The following LRRIQ1 variants were observed in gnomAD, a reference collection of about 807,000 sequenced individuals.
The protein encoded by LRRIQ1 is leucine-rich repeat- and IQ domain-containing protein 1.
Under a neutral mutation model 211.9 loss-of-function variants are expected in LRRIQ1, and 210 were observed. That is an observed-to-expected ratio of 0.99 (90% CI 0.89 to 1.11). The LOEUF (loss-of-function observed/expected upper bound fraction) is 1.11, where lower values mean the gene tolerates loss of function less well. LRRIQ1 is among the 50% of genes most tolerant of loss of function. The probability of loss-of-function intolerance (pLI) is 0.00; values close to 1 mark genes in which losing one functional copy is unlikely to be tolerated. For missense variants in LRRIQ1, 2,136 were observed against 1,939.5 expected (o/e 1.10, Z -1.90); for synonymous variants, 699 against 650.1 (o/e 1.08, Z -1.14).
chr12:85,197,504 AATG>A lies in LRRIQ1; in HGVS notation c.4823-32008_4823-32006del, dbSNP rs1297011382. 2.2e-4 allele frequency among the ~76,000 whole-genome samples: 33 copies of A among 150,818 alleles called. 1 individual carries two copies. The South Asian group carries it at 6.8e-3, about 31-fold the overall frequency. On this transcript the variant is annotated intron_variant, in intron 24 of 26. Coordinates refer to ENST00000393217, the MANE Select transcript of LRRIQ1 (RefSeq NM_001079910.2). ...CATGGAATACTATGCAGCCATAAAA[AATG>A]ATGAGTTCATGTCATTTGTAGGGAC...
At chr12:85,042,552 A>C (rs1354839013) in intron 3 of LRRIQ1, among the ~76,000 whole-genome samples, 1 of 149,306 alleles carries the variant, frequency 6.7e-6, no homozygotes, top group Non-Finnish European at 1.5e-5. Flanking sequence ...AATTTATTGA[A>C]ATTTAATTTA....
At position 85,056,256 on chromosome 12, in the gene LRRIQ1, C is replaced by T. The variant is rs763944834; in HGVS notation, c.1463C>T (p.Ala488Val). 3.7e-5 allele frequency: 58 copies of T among 1,569,766 alleles called. No homozygotes were observed. The highest frequency in any genetic ancestry group is 5.0e-5 in the Non-Finnish European group (58 of 1,167,754). Residue 488 changes from alanine (A) to valine (V), a missense_variant, in exon 8 of 27, where the codon GCA (alanine) becomes GTA (valine). Physicochemically the swap from Ala to Val is moderately conservative, Grantham distance 64. Coordinates refer to ENST00000393217, the MANE Select transcript of LRRIQ1 (RefSeq NM_001079910.2). ...ATGGAAGAAAAAAATGAAAACCTAG[C>T]AAAAAAACGATGTTCAGAAGAATTG... ...FKMEEKNENLAKKRCSEELVK... is the reference protein window; with the variant it reads ...FKMEEKNENLVKKRCSEELVK...
intron 26 of LRRIQ1, among the ~76,000 whole-genome samples, chr12:85,235,653 A>G (rs1156352864): frequency 6.6e-6 from 1 of 152,176 alleles, no homozygotes; most frequent in East Asian, 1.9e-4. Flanking sequence ...TTTCTCAGTG[A>G]CTATCTCTGA....
At chr12:85,245,503 A>G (rs536183284), downstream of LRRIQ1, among the ~76,000 whole-genome samples, 1 of 133,240 alleles carries the variant, frequency 7.5e-6, no homozygotes, top group Non-Finnish European at 1.5e-5. Flanking sequence ...TAAATATATA[A>G]TACATTTATA....
At chr12:85,097,931 A>T (rs1393611044) in intron 11 of LRRIQ1, among the ~76,000 whole-genome samples, 3 of 152,192 alleles carry the variant, frequency 2.0e-5, no homozygotes, top group African/African-American at 7.2e-5. Context: ...TTGGTTCTGT[A>T]TTCAAATGGT....
intron 24 of LRRIQ1, 51 bp from the exon 25 acceptor site, chr12:85,229,466 A>G (rs762543758): frequency 2.7e-6 from 4 of 1,508,288 alleles, no homozygotes; most frequent in Non-Finnish European, 3.5e-6. Context: ...CTGGTTGGCC[A>G]AAGTTTGGTC....
intron 17 of LRRIQ1, 41 bp downstream of exon 17, chr12:85,124,560 T>C: frequency 6.9e-7 from 1 of 1,458,314 alleles, no homozygotes. Context: ...GATGTATGTT[T>C]ACTCCTTTTG....
chr12:85,048,985 A>G (rs1269279828), intron 6 of LRRIQ1, among the ~76,000 whole-genome samples: 1 of 152,212 alleles, frequency 6.6e-6, no homozygotes, highest in Non-Finnish European at 1.5e-5. Context: ...CTAACAGCAA[A>G]TCCCACCCTC....
chr12:85,116,286 G>GC (rs1193737357), intron 15 of LRRIQ1, among the ~76,000 whole-genome samples: 1 of 151,966 alleles, frequency 6.6e-6, no homozygotes, highest in African/African-American at 2.4e-5. Context: ...GGGACTACAG[G>GC]CGCCCACCAC....
chr12:85,083,423 T>C (rs1396274283), intron 11 of LRRIQ1, among the ~76,000 whole-genome samples: 1 of 147,824 alleles, frequency 6.8e-6, no homozygotes, highest in Non-Finnish European at 1.5e-5. Context: ...AAATGGATTA[T>C]TAATTTTTTT....
At chr12:85,062,487 A>G (rs1881941125) in intron 8 of LRRIQ1, among the ~76,000 whole-genome samples, 1 of 151,418 alleles carries the variant, frequency 6.6e-6, no homozygotes, top group Non-Finnish European at 1.5e-5. Flanking sequence ...GGCTTGGGAT[A>G]GTGGTTTCCA....
chr12:85,235,951 A>G (rs1895154260), intron 26 of LRRIQ1, among the ~76,000 whole-genome samples: 1 of 152,202 alleles, frequency 6.6e-6, no homozygotes, highest in African/African-American at 2.4e-5. Flanking sequence ...AGCAAACTTC[A>G]TGGTTCTGGC....
intron 7 of LRRIQ1, among the ~76,000 whole-genome samples, chr12:85,054,219 A>C (rs1360162931): frequency 6.6e-6 from 1 of 152,200 alleles, no homozygotes; most frequent in Non-Finnish European, 1.5e-5. Context: ...CTACTTTCAA[A>C]TGCGATACAC....
At chr12:85,073,181 C>T in intron 11 of LRRIQ1, 83 bp downstream of exon 11, 1 of 865,520 alleles carries the variant, frequency 1.2e-6, no homozygotes, top group East Asian at 2.8e-5. Context: ...AGGCAGTCAC[C>T]ATCATCTCCT....
At chr12:85,066,592 A>G (rs1882458170) in intron 9 of LRRIQ1, among the ~76,000 whole-genome samples, 156 bp from the exon 10 acceptor site, 1 of 151,672 alleles carries the variant, frequency 6.6e-6, no homozygotes, top group African/African-American at 2.4e-5. Flanking sequence ...TTTTCATCCA[A>G]ATAGTATAAC....
At chr12:85,168,531 C>G (rs186550804) in intron 24 of LRRIQ1, among the ~76,000 whole-genome samples, 2 of 152,106 alleles carry the variant, frequency 1.3e-5, no homozygotes, top group African/African-American at 4.8e-5. Context: ...GAACTAAGAC[C>G]TCTAGGCCAG....
At chr12:85,129,723 T>C (rs1888620726) in intron 18 of LRRIQ1, among the ~76,000 whole-genome samples, 1 of 152,072 alleles carries the variant, frequency 6.6e-6, no homozygotes, top group African/African-American at 2.4e-5. Context: ...TAGAGAGTGA[T>C]GAAAAGGAGC....
At chr12:85,110,304 A>T (rs1322392052) in intron 15 of LRRIQ1, among the ~76,000 whole-genome samples, 1 of 152,152 alleles carries the variant, frequency 6.6e-6, no homozygotes, top group Non-Finnish European at 1.5e-5. Context: ...AGAATTGATA[A>T]CCATGAAAAA....
rs767578734 is a variant in LRRIQ1 at position 85,098,531 on chromosome 12, G to A, written c.3064G>A (p.Gly1022Arg). Residue 1022 changes from glycine (G) to arginine (R), a missense_variant, in exon 12 of 27, where the codon GGA becomes AGA. Transcript: ENST00000393217. Reference protein sequence around the residue: ...CGLLQILKLQGNYLSELPSLE... With the variant: ...CGLLQILKLQRNYLSELPSLE... ...ATTGCTCCAAATATTGAAGTTACAG[G>A]GAAATTATCTGAGTGAGGTAATTGC... is the stretch of plus-strand genomic sequence containing the variant. The A allele has an allele frequency of 6.2e-6, 10 of 1,605,922 alleles. No individual in the cohort carries two copies. The highest frequency in any genetic ancestry group is 3.4e-6 in the Non-Finnish European group (4 of 1,176,474).
Sources: gnomAD v4.1 joint callset for allele counts (sites outside exome capture counted in the v4.1 genomes callset) on GRCh38, gnomAD v4.1.1 for gene constraint, MANE v1.5 for transcripts, NCBI Gene and HGNC (gene_info 2026-07-23, HGNC 2026-07-21) for gene names.